Variants in FMNL3 observed in about 807,000 individuals in gnomAD.
FMNL3 encodes formin-like protein 3.
Under a neutral mutation model 119.6 loss-of-function variants are expected in FMNL3, and 57 were observed. The ratio of observed to expected loss-of-function variants is 0.48; its 90% CI spans 0.39 to 0.59. The LOEUF (loss-of-function observed/expected upper bound fraction) is 0.59. FMNL3 is among the 20% of genes least tolerant of loss of function. The probability of loss-of-function intolerance (pLI) is 0.00; values close to 1 mark genes in which losing one functional copy is unlikely to be tolerated. For missense variants in FMNL3, 1,053 were observed against 1,323.5 expected, an observed-to-expected ratio of 0.80 and a Z score of 3.17; for synonymous variants, 491 against 507.3, an observed-to-expected ratio of 0.97 and a Z score of 0.43.
intron 2 of FMNL3, among the ~76,000 whole-genome samples, chr12:49,667,144 C>T (rs1351777723): frequency 6.6e-6 from 1 of 152,008 alleles, no homozygotes; most frequent in Non-Finnish European, 1.5e-5. Context: ...CAGGGAGTAC[C>T]CCTTAGCATT....
intron 1 of FMNL3, among the ~76,000 whole-genome samples, chr12:49,699,379 T>C (rs762860572): frequency 6.6e-6 from 1 of 152,188 alleles, no homozygotes; most frequent in Non-Finnish European, 1.5e-5. Context: ...CTTTTTTCAC[T>C]TCACTGAAGA....
At chr12:49,653,978 C>A in intron 11 of FMNL3, 104 bp from the exon 12 acceptor site, 1 of 1,445,298 alleles carries the variant, frequency 6.9e-7, no homozygotes, top group South Asian at 1.3e-5. Context: ...CACCACTTCC[C>A]AAAGAGTTCC....
In FMNL3 at chr12:49,656,868, T is replaced by TG; in HGVS notation, c.745dup (p.His249ProfsTer5). The TG allele has an allele frequency of 6.2e-7, 1 of 1,613,902 alleles. No individual in the cohort carries two copies. Among genetic ancestry groups the TG allele is most frequent in the Non-Finnish European group, 8.5e-7 (1 of 1,179,950 alleles). ...GCTAAGTGCAATCTCATTGACAGCA[T>TG]GGGGGTGGGACATGACCAGGTTGAA... On this transcript the variant is annotated frameshift_variant, in exon 8 of 26. Coordinates refer to ENST00000335154, the MANE Select transcript of FMNL3 (RefSeq NM_175736.5). LOFTEE classifies it high-confidence loss of function.
Position 49,649,456 on chromosome 12 carries a change from C to T in FMNL3, c.2304+14G>A, listed in dbSNP as rs758538594. Reference sequence around the variant, plus strand: ...TGAAAACCCCCAGCACCCCTGTTCACAACCTCTTCCCACCTCCAACATCTG... The same window carrying T: ...TGAAAACCCCCAGCACCCCTGTTCATAACCTCTTCCCACCTCCAACATCTG... On this transcript the variant is annotated intron_variant, in intron 19 of 25. Transcript: ENST00000335154. This position sits in a 1 kb window ranked among gnomAD's most constrained non-coding sequence, Gnocchi z 5.6. 4.3e-6 allele frequency: 7 copies of T among 1,614,070 alleles called. No homozygotes were observed. The highest frequency in any genetic ancestry group is 5.9e-6 in the Non-Finnish European group (7 of 1,180,042).
intron 1 of FMNL3, among the ~76,000 whole-genome samples, chr12:49,705,687 G>C (rs1383584270): frequency 6.6e-6 from 1 of 152,200 alleles, no homozygotes; most frequent in African/African-American, 2.4e-5. Flanking sequence ...TGACTCACCC[G>C]ATCCCCCGAG....
rs767748352 is a variant in FMNL3, at chr12:49,658,495, C to T, written c.552G>A (p.Leu184=). ...CGAGGCTGTTGGTGAAGGGGGCCGA[C>T]AGGGCGCTGGGTGGCTGCAGGTCCT... The part of the protein sequence containing the change: ...SIEDLQPPSA[L]SAPFTNSLAR... The change falls in exon 6 of 26, where the codon CTG becomes CTA. Residue 184 remains leucine, a synonymous_variant. Transcript: ENST00000335154. The T allele has an allele frequency of 2.5e-6, 4 of 1,613,378 alleles. No individual in the cohort carries two copies. The highest frequency in any genetic ancestry group is 3.4e-6 in the Non-Finnish European group (4 of 1,179,590).
At chr12:49,665,971 C>G in intron 3 of FMNL3, 63 bp from the exon 4 acceptor site, 1 of 1,580,474 alleles carries the variant, frequency 6.3e-7, no homozygotes, top group Non-Finnish European at 8.7e-7. Flanking sequence ...CCCTCCATTA[C>G]TGGCCAGCCA....
At chr12:49,646,679 C>A (rs1356228765) in intron 25 of FMNL3, 3 of 1,536,386 alleles carry the variant, frequency 2.0e-6, no homozygotes, top group Middle Eastern at 1.7e-4. Flanking sequence ...TTTGACTCAT[C>A]ATGGTGGGCT....
intron 1 of FMNL3, among the ~76,000 whole-genome samples, chr12:49,706,059 G>A (rs997647300): frequency 6.6e-6 from 1 of 152,186 alleles, no homozygotes; most frequent in African/African-American, 2.4e-5. Context: ...ACTCTTTGGG[G>A]AAGTGAGAAC....
chr12:49,642,674 A>G lies in FMNL3; in HGVS notation c.*3141T>C. 1 of 1,613,598 alleles carries G rather than the reference A, an allele frequency of 6.2e-7. No homozygotes were observed. The stretch of plus-strand genomic sequence containing the variant: ...TTCCGGGAGTTCCTACAGGTGCTGG[A>G]GGTGAGGCAGGCTTGTCCTCTGGAT... On this transcript the variant is annotated 3_prime_UTR_variant, in exon 26 of 26. Coordinates refer to ENST00000335154, the MANE Select transcript of FMNL3 (RefSeq NM_175736.5). The surrounding 1 kb of genome is among the most constrained non-coding windows in gnomAD (Gnocchi z 5.8).
Position 49,643,787 on chromosome 12 carries a change from T to G in FMNL3, c.*2028A>C. On this transcript the variant is annotated 3_prime_UTR_variant, in exon 26 of 26. Transcript: ENST00000335154. ...GGAACTTCTACCTAAGCCCCTGCTA[T>G]TTTGTGAGTTCTGTTCTACCTGCCT... 2 of 1,613,614 alleles carry G rather than the reference T, an allele frequency of 1.2e-6. No homozygotes were observed. Among genetic ancestry groups the G allele is most frequent in the Non-Finnish European group, 1.7e-6 (2 of 1,179,864 alleles).
intron 22 of FMNL3, 43 bp downstream of exon 22, chr12:49,648,150 G>A (rs760716510): frequency 1.3e-6 from 2 of 1,581,664 alleles, no homozygotes; most frequent in Non-Finnish European, 1.7e-6. Flanking sequence ...GGGGCCTGGT[G>A]CCTTGGCCCT....
chr12:49,685,624 A>G (rs1361208135), intron 1 of FMNL3, among the ~76,000 whole-genome samples: 1 of 152,252 alleles, frequency 6.6e-6, no homozygotes, highest in Non-Finnish European at 1.5e-5. Context: ...AAGAAAGGTG[A>G]CTAGTACGTG....
In FMNL3 at chr12:49,652,172, C is replaced by T. The variant is rs201602556; in HGVS notation, c.1364G>A (p.Arg455Gln). 93 of 1,613,266 alleles carry T rather than the reference C, an allele frequency of 5.8e-5. No homozygotes were observed. Among genetic ancestry groups the T allele is most frequent in the South Asian group, 4.2e-4 (38 of 90,758 alleles). ...CTCCTCCTTCTCTTTAATGAGCCTC[C>T]GCAGGGTGTGCACCTGGTGGCTTGT... ...ENTSHQVHTL[R>Q]RLIKEKEEAF... Residue 455 changes from arginine to glutamine, a missense_variant, in exon 14 of 26, where the codon CGG becomes CAG. Coordinates refer to ENST00000335154, the MANE Select transcript of FMNL3 (RefSeq NM_175736.5).
intron 9 of FMNL3, among the ~76,000 whole-genome samples, chr12:49,655,339 G>A (rs190234394): frequency 6.9e-4 from 105 of 152,342 alleles, no homozygotes; most frequent in African/African-American, 2.4e-3. Context: ...GGCAGAGGCA[G>A]AAGAATCGCT....
chr12:49,684,013 G>T (rs964919449), intron 1 of FMNL3, among the ~76,000 whole-genome samples: 1 of 152,084 alleles, frequency 6.6e-6, no homozygotes, highest in Non-Finnish European at 1.5e-5. Context: ...CCTCTCTACT[G>T]TGCTCTCCCG....
At chr12:49,655,831 G>A (rs1226181399) in intron 9 of FMNL3, among the ~76,000 whole-genome samples, 1 of 152,144 alleles carries the variant, frequency 6.6e-6, no homozygotes, top group Non-Finnish European at 1.5e-5. Context: ...CACCAGCTGT[G>A]GCTGGATGTC....
intron 1 of FMNL3, among the ~76,000 whole-genome samples, chr12:49,687,841 T>C (rs1944507109): frequency 1.3e-5 from 2 of 152,184 alleles, no homozygotes. Context: ...TATAAACCTG[T>C]TGCTGAACCC....
intron 1 of FMNL3, among the ~76,000 whole-genome samples, chr12:49,689,398 C>T (rs1189789375): frequency 1.3e-5 from 2 of 152,090 alleles, no homozygotes; most frequent in Non-Finnish European, 2.9e-5. Context: ...TTCTCTATTC[C>T]CTGTTGAAAC....
Sources: allele counts gnomAD v4.1 joint callset (sites outside exome capture counted in the v4.1 genomes callset), GRCh38; gene constraint gnomAD v4.1.1; non-coding constraint Gnocchi (gnomAD v3.1); transcripts MANE v1.5; gene names NCBI Gene and HGNC (gene_info 2026-07-23, HGNC 2026-07-21).